The following EXT1 variants were observed in gnomAD, a reference collection of about 807,000 sequenced individuals.
EXT1 encodes exostosin glycosyltransferase 1.
Under a neutral mutation model 82.5 loss-of-function variants are expected in EXT1, and 20 were observed. The ratio of observed to expected loss-of-function variants is 0.24; its 90% CI spans 0.17 to 0.35. The LOEUF is 0.35. EXT1 is among the 10% of genes least tolerant of loss of function. The pLI, the probability that EXT1 is intolerant of heterozygous loss-of-function variation, is 1.00. For missense variants in EXT1, 757 were observed against 936.5 expected, an observed-to-expected ratio of 0.81 and a Z score of 2.50; for synonymous variants, 348 against 350.8, an observed-to-expected ratio of 0.99 and a Z score of 0.09.
intron 1 of EXT1, among the ~76,000 whole-genome samples, chr8:118,028,651 C>G (rs765278367): frequency 2.6e-5 from 4 of 151,966 alleles, no homozygotes; most frequent in African/African-American, 9.7e-5. Context: ...GTAAGCCAGC[C>G]GGGCGTGGTG....
intron 1 of EXT1, among the ~76,000 whole-genome samples, chr8:117,979,938 CT>C (rs1815151501): frequency 6.6e-6 from 1 of 152,166 alleles, no homozygotes; most frequent in Non-Finnish European, 1.5e-5. Flanking sequence ...CCATGGGTTA[CT>C]GTAGGTGTTA....
rs144446248 is a variant in EXT1, at chr8:117,799,311, G to A, written c.*401C>T. The stretch of plus-strand genomic sequence containing the variant: ...GGGCACCCTACATGGCCATGACAAT[G>A]ATGTCTGTGGGAAAAGGAATAGCAG... On this transcript the variant is annotated 3_prime_UTR_variant, in exon 11 of 11. Coordinates refer to ENST00000378204, the MANE Select transcript of EXT1 (RefSeq NM_000127.3). 2.4e-3 allele frequency: 572 copies of A among 242,558 alleles called. 6 individuals carry two copies. The highest frequency in any genetic ancestry group is 0.012 in the African/African-American group (537 of 44,246). 15.0% of individuals were successfully genotyped at this position (242,558 alleles called of 1,614,324 possible).
intron 1 of EXT1, among the ~76,000 whole-genome samples, chr8:117,897,591 C>CTTTTTTTTTTTTCTTTTTTT (rs1813365158): frequency 1.1e-5 from 1 of 90,656 alleles, no homozygotes; most frequent in African/African-American, 4.4e-5. Flanking sequence ...CTTCTTTTCT[C>CTTTTTTTTTTTTCTTTTTTT]TTTTTTTTTT....
intron 1 of EXT1, among the ~76,000 whole-genome samples, chr8:117,970,091 T>A (rs1347798503): frequency 6.6e-6 from 1 of 152,194 alleles, no homozygotes; most frequent in Non-Finnish European, 1.5e-5. Context: ...CCAGATAGTC[T>A]TTAGGTGGAA....
intron 1 of EXT1, among the ~76,000 whole-genome samples, chr8:117,983,859 G>A (rs1815258094): frequency 6.6e-6 from 1 of 152,144 alleles, no homozygotes. Flanking sequence ...ATTTATCAAC[G>A]TTGGCTGATT....
intron 1 of EXT1, among the ~76,000 whole-genome samples, chr8:117,848,917 C>T (rs1379693793): frequency 6.6e-6 from 1 of 152,224 alleles, no homozygotes; most frequent in African/African-American, 2.4e-5. Context: ...TCCAGTGGCT[C>T]CTCCTGGCAC....
intron 1 of EXT1, among the ~76,000 whole-genome samples, chr8:117,994,536 G>C (rs530572463): frequency 4.6e-5 from 7 of 152,280 alleles, no homozygotes; most frequent in South Asian, 4.1e-4. Context: ...ACTTGAGCCT[G>C]GGAGGTTGAG....
At chr8:117,992,632 T>C (rs1815458785) in intron 1 of EXT1, among the ~76,000 whole-genome samples, 1 of 152,020 alleles carries the variant, frequency 6.6e-6, no homozygotes, top group Non-Finnish European at 1.5e-5. Flanking sequence ...TCCAGCTCCC[T>C]GCAGGGCCTC....
intron 3 of EXT1, among the ~76,000 whole-genome samples, chr8:117,833,692 A>G (rs1209446257): frequency 6.6e-6 from 1 of 152,190 alleles, no homozygotes; most frequent in Admixed American, 6.5e-5. Context: ...CAAACTTTCA[A>G]TTTGTTCACA....
At chr8:118,082,442 GATTTT>G (rs1817349841) in intron 1 of EXT1, among the ~76,000 whole-genome samples, 2 of 152,072 alleles carry the variant, frequency 1.3e-5, no homozygotes, top group Non-Finnish European at 2.9e-5. Flanking sequence ...GAAATCTTTT[GATTTT>G]ATTATTTGGA....
intron 1 of EXT1, among the ~76,000 whole-genome samples, chr8:118,090,575 C>G (rs1249496417): frequency 1.3e-5 from 2 of 151,696 alleles, no homozygotes; most frequent in African/African-American, 4.8e-5. Context: ...GTCAGGAGTT[C>G]AAGACCAGCC....
chr8:118,051,244 C>T (rs17505659), intron 1 of EXT1, among the ~76,000 whole-genome samples: 8,499 of 151,858 alleles, frequency 0.056, 756 homozygotes, highest in African/African-American at 0.19. Flanking sequence ...GGCTGAGAGG[C>T]GGGTGGATCA....
chr8:118,107,173 A>G (rs1044589047), intron 1 of EXT1, among the ~76,000 whole-genome samples: 2 of 152,126 alleles, frequency 1.3e-5, no homozygotes, highest in Non-Finnish European at 2.9e-5. Context: ...ATTTGTATAT[A>G]CTCTAACTTG....
chr8:117,940,473 T>A (rs552524269), intron 1 of EXT1, among the ~76,000 whole-genome samples: 1 of 152,326 alleles, frequency 6.6e-6, no homozygotes, highest in South Asian at 2.1e-4. Flanking sequence ...CAAGGAAGGA[T>A]GTTACAGCTC....
At chr8:118,003,105 C>T (rs1815705928) in intron 1 of EXT1, among the ~76,000 whole-genome samples, 1 of 151,790 alleles carries the variant, frequency 6.6e-6, no homozygotes, top group Non-Finnish European at 1.5e-5. Flanking sequence ...ATTCAAGGAA[C>T]CTGGATGAAA....
At chr8:117,973,802 AAAGGAAAGG>A (rs1235311518) in intron 1 of EXT1, among the ~76,000 whole-genome samples, 20 of 14,542 alleles carry the variant, frequency 1.4e-3, no homozygotes, top group Admixed American at 2.1e-3. Flanking sequence ...AAGAAAAGAG[AAAGGAAAGG>A]AAAGGAAAGG....
intron 1 of EXT1, among the ~76,000 whole-genome samples, chr8:117,880,694 A>C (rs1394864280): frequency 1.1e-4 from 17 of 151,150 alleles, no homozygotes; most frequent in Admixed American, 1.1e-3. Context: ...AGGTTCAAGC[A>C]ATTCTCCTGC....
intron 1 of EXT1, among the ~76,000 whole-genome samples, chr8:118,033,685 G>A (rs1816372900): frequency 6.6e-6 from 1 of 152,114 alleles, no homozygotes; most frequent in Admixed American, 6.5e-5. Flanking sequence ...TCACTGTGTT[G>A]CCCTGATTGG....
At chr8:117,945,376 A>G (rs1814366996) in intron 1 of EXT1, among the ~76,000 whole-genome samples, 1 of 152,040 alleles carries the variant, frequency 6.6e-6, no homozygotes, top group Non-Finnish European at 1.5e-5. Context: ...GACCCTGGTG[A>G]TTTTTTAGTC....
Sources: allele counts gnomAD v4.1 joint callset (sites outside exome capture counted in the v4.1 genomes callset), GRCh38; gene constraint gnomAD v4.1.1; transcripts MANE v1.5; gene names NCBI Gene and HGNC (gene_info 2026-07-23, HGNC 2026-07-21).